NDRG3: variants seen among roughly 807,000 people sequenced by gnomAD.
NDRG3 encodes the protein protein NDRG3.
Under a neutral mutation model 57.2 loss-of-function variants are expected in NDRG3, and 23 were observed. The observed-to-expected ratio is 0.40, with a 90% CI of 0.29 to 0.57. NDRG3 has a LOEUF of 0.57. NDRG3 is among the 20% of genes least tolerant of loss of function. The pLI is 0.42. For synonymous variants in NDRG3, 132 were observed against 162.6 expected, an observed-to-expected ratio of 0.81 and a Z score of 1.43; for missense variants, 384 against 457.3, an observed-to-expected ratio of 0.84 and a Z score of 1.46.
chr20:36,720,260 C>A (rs748328355), intron 2 of NDRG3, among the ~76,000 whole-genome samples: 77 of 151,952 alleles, frequency 5.1e-4, no homozygotes, highest in Non-Finnish European at 9.3e-4. Flanking sequence ...GCATCCTCTG[C>A]CTTCCGGGTT....
intron 3 of NDRG3, among the ~76,000 whole-genome samples, chr20:36,703,112 T>C (rs1983341506): frequency 6.6e-6 from 1 of 152,176 alleles, no homozygotes; most frequent in African/African-American, 2.4e-5. Flanking sequence ...CTAAGTTTTC[T>C]AAATTTGTTT....
chr20:36,744,758 T>C (rs1049378486), intron 1 of NDRG3, among the ~76,000 whole-genome samples: 1 of 152,232 alleles, frequency 6.6e-6, no homozygotes, highest in Non-Finnish European at 1.5e-5. Context: ...TCTCTTTCTC[T>C]TCTTGCTTTA....
At chr20:36,721,619 T>C in intron 2 of NDRG3, 60 bp downstream of exon 2, 1 of 984,294 alleles carries the variant, frequency 1.0e-6, no homozygotes, top group South Asian at 1.4e-5. Context: ...ATACAGAAAA[T>C]GAAATACTAT....
intron 3 of NDRG3, among the ~76,000 whole-genome samples, chr20:36,691,635 C>T (rs920337279): frequency 6.6e-6 from 1 of 152,168 alleles, no homozygotes; most frequent in Non-Finnish European, 1.5e-5. Flanking sequence ...ATTGCTTGAA[C>T]CCGGGAGGCA....
At chr20:36,654,817 G>C (rs1429002983) in intron 15 of NDRG3, 1 of 779,700 alleles carries the variant, frequency 1.3e-6, no homozygotes, top group Non-Finnish European at 2.4e-6. Context: ...CGGTGCTCAG[G>C]TGACTGAGCT....
chr20:36,683,633 T>C (rs900456736), intron 6 of NDRG3, among the ~76,000 whole-genome samples: 21 of 147,692 alleles, frequency 1.4e-4, no homozygotes, highest in African/African-American at 5.3e-4. Context: ...AATAAATAAA[T>C]AAATAAATAT....
At chr20:36,721,192 G>C (rs1334547878) in intron 2 of NDRG3, among the ~76,000 whole-genome samples, 8 of 151,946 alleles carry the variant, frequency 5.3e-5, no homozygotes, top group Non-Finnish European at 1.2e-4. Flanking sequence ...GGAAACAAAA[G>C]TAGGAAGAAA....
At position 36,652,896 on chromosome 20, in the gene NDRG3, A is replaced by G. The variant is rs912160264; in HGVS notation, c.*624T>C. The G allele has an allele frequency of 6.6e-6, 1 of 152,340 alleles. No individual in the cohort carries two copies. Among genetic ancestry groups the G allele is most frequent in the African/African-American group, 2.4e-5 (1 of 41,462 alleles). 9.4% of individuals were successfully genotyped at this position (152,340 alleles called of 1,614,324 possible). A position where few individuals can be genotyped will look rare whatever the true frequency, so the allele number is the denominator to read the frequency against. ...TCATTTGGACAGAAGGAGCCTCTCTATGTAACAGGCACCCTTCTGCTACTG... is the reference window on the plus strand; with the variant it reads ...TCATTTGGACAGAAGGAGCCTCTCTGTGTAACAGGCACCCTTCTGCTACTG... On this transcript the variant is annotated 3_prime_UTR_variant, in exon 16 of 16. Coordinates refer to ENST00000349004, the MANE Select transcript of NDRG3 (RefSeq NM_032013.4).
In NDRG3 at chr20:36,739,133, T is replaced by TTAAAAAAA. The variant is rs1568676736; in HGVS notation, c.-49+6911_-49+6912insTTTTTTTA. The stretch of plus-strand genomic sequence containing the variant: ...CTGGGTGACAAAACGAGACCCCATC[T>TTAAAAAAA]CAAAAAAAAAAAAAAAAAAAAAAAA... On this transcript the variant is annotated intron_variant, in intron 1 of 15. Transcript: ENST00000349004. 4.1e-4 allele frequency among the ~76,000 whole-genome samples: 13 copies of TTAAAAAAA among 31,516 alleles called. 6 individuals are homozygous for TTAAAAAAA. The highest frequency in any genetic ancestry group is 1.0e-3 in the Admixed American group (2 of 2,004). 20.7% of individuals were successfully genotyped at this position (31,516 alleles called of 152,430 possible). A position where few individuals can be genotyped will look rare whatever the true frequency, so the allele number is the denominator to read the frequency against.
At chr20:36,668,351 C>T (rs1430527170) in intron 9 of NDRG3, among the ~76,000 whole-genome samples, 1 of 152,182 alleles carries the variant, frequency 6.6e-6, no homozygotes, top group East Asian at 1.9e-4. Context: ...GAGATCATTC[C>T]TTATCCGGAT....
intron 1 of NDRG3, among the ~76,000 whole-genome samples, chr20:36,726,342 G>A (rs1984933310): frequency 6.6e-6 from 1 of 152,176 alleles, no homozygotes; most frequent in Admixed American, 6.5e-5. Flanking sequence ...AGGCTCAGGC[G>A]ACAATGTTGT....
chr20:36,684,254 T>C (rs193054422), intron 6 of NDRG3, among the ~76,000 whole-genome samples, 159 bp downstream of exon 6: 3 of 152,360 alleles, frequency 2.0e-5, no homozygotes, highest in Non-Finnish European at 2.9e-5. Flanking sequence ...ACTTATTTTA[T>C]AGAACTTTAT....
intron 1 of NDRG3, among the ~76,000 whole-genome samples, chr20:36,743,984 T>A (rs1467229253): frequency 8.3e-6 from 1 of 120,818 alleles, no homozygotes; most frequent in Admixed American, 1.0e-4. Flanking sequence ...CACTGCAAGC[T>A]CCAGCTCCCG....
chr20:36,658,804 G>A (rs1327772490), intron 13 of NDRG3, among the ~76,000 whole-genome samples: 1 of 152,132 alleles, frequency 6.6e-6, no homozygotes, highest in Non-Finnish European at 1.5e-5. Flanking sequence ...TAGCATAAGA[G>A]TTGGTCTGTA....
chr20:36,701,879 A>G (rs962393398), intron 3 of NDRG3, among the ~76,000 whole-genome samples: 3 of 151,924 alleles, frequency 2.0e-5, no homozygotes, highest in Middle Eastern at 3.4e-3. Flanking sequence ...AAAAAAAAAA[A>G]AAGCCTTTTA....
At chr20:36,707,327 A>G (rs1425671597) in intron 2 of NDRG3, among the ~76,000 whole-genome samples, 1 of 152,188 alleles carries the variant, frequency 6.6e-6, no homozygotes, top group East Asian at 1.9e-4. Context: ...AGGGTAAAAC[A>G]TGGACCACAG....
chr20:36,703,138 A>G (rs947669714), intron 3 of NDRG3, among the ~76,000 whole-genome samples: 4 of 152,144 alleles, frequency 2.6e-5, no homozygotes, highest in Non-Finnish European at 5.9e-5. Flanking sequence ...TATACACAAA[A>G]TAAGTGTTAT....
intron 3 of NDRG3, among the ~76,000 whole-genome samples, chr20:36,695,963 G>A (rs778461949): frequency 5.9e-5 from 9 of 152,002 alleles, no homozygotes; most frequent in Admixed American, 2.0e-4. Flanking sequence ...GTCTCCCCCC[G>A]GACACCCAGC....
At chr20:36,709,514 C>T (rs1983746516) in intron 2 of NDRG3, among the ~76,000 whole-genome samples, 1 of 152,170 alleles carries the variant, frequency 6.6e-6, no homozygotes, top group Admixed American at 6.5e-5. Flanking sequence ...GATACAGTCA[C>T]AGTATGGAAA....
Sources: allele counts gnomAD v4.1 joint callset (sites outside exome capture counted in the v4.1 genomes callset), GRCh38; gene constraint gnomAD v4.1.1; transcripts MANE v1.5; gene names NCBI Gene and HGNC (gene_info 2026-07-23, HGNC 2026-07-21).